The following ABCB5 variants were observed in gnomAD, a reference collection of about 807,000 sequenced individuals.
ABCB5 encodes ATP-binding cassette sub-family B member 5.
A neutral mutation model predicts 144.2 loss-of-function variants in ABCB5; 155 were observed. That is an observed-to-expected ratio of 1.08 (90% confidence interval 0.94 to 1.23). The LOEUF (loss-of-function observed/expected upper bound fraction) is 1.23. Ranked by LOEUF, ABCB5 falls within the 50% of genes most tolerant of loss-of-function variation. ABCB5 has a pLI of 0.00. For missense variants in ABCB5, 1,830 were observed against 1,520.8 expected (o/e 1.20, Z -3.38); for synonymous variants, 610 against 528.6 (o/e 1.15, Z -2.11).
chr7:20,741,020 T>C (rs1407235320), intron 24 of ABCB5, among the ~76,000 whole-genome samples: 1 of 151,488 alleles, frequency 6.6e-6, no homozygotes, highest in Non-Finnish European at 1.5e-5. Flanking sequence ...GGAGGATCGC[T>C]TGAACCTGGG....
Position 20,661,447 on chromosome 7 carries a change from C to G in ABCB5, c.1707+2771C>G, listed in dbSNP as rs538432004. Among the ~76,000 whole-genome samples the G allele has an allele frequency of 5.9e-5, 9 of 152,300 alleles. No individual in the cohort carries two copies. In the East Asian group the frequency reaches 1.7e-3, roughly 29 times the overall value. Reference sequence around the variant, plus strand: ...AACAATGCTGGCCCTTAACAAACAGCCAACAGATATTGTTGGATGGACTTC... The same window carrying G: ...AACAATGCTGGCCCTTAACAAACAGGCAACAGATATTGTTGGATGGACTTC... On this transcript the variant is annotated intron_variant, in intron 14 of 27. Transcript: ENST00000404938.
At chr7:20,652,210 G>A (rs1784617900) in intron 13 of ABCB5, among the ~76,000 whole-genome samples, 1 of 152,210 alleles carries the variant, frequency 6.6e-6, no homozygotes. Context: ...GATTGGTTCT[G>A]TGACAAACCA....
At chr7:20,714,682 A>G (rs1411144540) in intron 20 of ABCB5, among the ~76,000 whole-genome samples, 1 of 152,230 alleles carries the variant, frequency 6.6e-6, no homozygotes, top group Non-Finnish European at 1.5e-5. Flanking sequence ...AACTATAGAA[A>G]GGATATAATT....
chr7:20,748,380 T>C (rs1419351972), intron 26 of ABCB5, among the ~76,000 whole-genome samples: 1 of 144,030 alleles, frequency 6.9e-6, no homozygotes, highest in Non-Finnish European at 1.5e-5. Flanking sequence ...GAAGGTGTAG[T>C]GGCTCACACC....
chr7:20,648,177 A>G (rs936514309), intron 11 of ABCB5, 99 bp downstream of exon 11: 1 of 756,438 alleles, frequency 1.3e-6, no homozygotes, highest in Admixed American at 2.8e-5. Flanking sequence ...ACTTTTTTCC[A>G]AGATTTTGGC....
intron 24 of ABCB5, among the ~76,000 whole-genome samples, chr7:20,739,726 T>TC (rs1324812894): frequency 9.2e-5 from 14 of 152,160 alleles, no homozygotes; most frequent in Admixed American, 9.2e-4. Flanking sequence ...TGTTTTTTTT[T>TC]CTCTGATAAT....
intron 20 of ABCB5, among the ~76,000 whole-genome samples, chr7:20,718,206 G>A (rs1781750689): frequency 6.6e-6 from 1 of 152,070 alleles, no homozygotes; most frequent in Non-Finnish European, 1.5e-5. Flanking sequence ...ACGGCGCCTG[G>A]CCCAAATACA....
intron 20 of ABCB5, among the ~76,000 whole-genome samples, chr7:20,719,425 GC>G: frequency 6.6e-6 from 1 of 152,134 alleles, no homozygotes; most frequent in Non-Finnish European, 1.5e-5. Context: ...TCTTGATATT[GC>G]CTCTTAGATC....
In ABCB5 at chr7:20,652,439, G is replaced by A. The variant is rs141314798; in HGVS notation, c.1536+816G>A. Among the ~76,000 whole-genome samples the A allele has an allele frequency of 4.3e-3, 648 of 152,190 alleles. 7 individuals carry two copies. The highest frequency in any genetic ancestry group is 0.015 in the African/African-American group (619 of 41,510). ...AAAAAAATTAGCTGGGTGTGGTGGC[G>A]CACACCTATAGTCTCAGCTACTAGG... On this transcript the variant is annotated intron_variant, in intron 13 of 27. Transcript: ENST00000404938.
intron 7 of ABCB5, among the ~76,000 whole-genome samples, chr7:20,645,455 C>G (rs1286251057): frequency 6.6e-6 from 1 of 152,108 alleles, no homozygotes; most frequent in Non-Finnish European, 1.5e-5. Flanking sequence ...CCCCGCTGTT[C>G]CCTTTTGTGG....
intron 27 of ABCB5, among the ~76,000 whole-genome samples, chr7:20,754,548 C>T (rs909923870): frequency 6.6e-6 from 1 of 152,188 alleles, no homozygotes; most frequent in African/African-American, 2.4e-5. Context: ...TGGGTTTTCA[C>T]CTTCCACTCC....
chr7:20,629,145 C>CGTGTGTGTGTGTGTGTGT (rs149986314), intron 4 of ABCB5, among the ~76,000 whole-genome samples: 1,564 of 135,128 alleles, frequency 0.012, 40 homozygotes, highest in Non-Finnish European at 0.015. Flanking sequence ...AGAGAGACTG[C>CGTGTGTGTGTGTGTGTGT]GTGTGTGTGT....
At chr7:20,674,328 C>G (rs1751314911) in intron 14 of ABCB5, among the ~76,000 whole-genome samples, 1 of 151,838 alleles carries the variant, frequency 6.6e-6, no homozygotes, top group African/African-American at 2.4e-5. Flanking sequence ...TTTCAGCTGT[C>G]ATATGTTTTT....
At chr7:20,677,047 C>T (rs1785638014) in intron 14 of ABCB5, among the ~76,000 whole-genome samples, 1 of 152,148 alleles carries the variant, frequency 6.6e-6, no homozygotes, top group African/African-American at 2.4e-5. Flanking sequence ...ATTATAGTTA[C>T]ATCCATCATG....
At chr7:20,748,036 ACC>A (rs1782784511) in intron 26 of ABCB5, among the ~76,000 whole-genome samples, 2 of 152,232 alleles carry the variant, frequency 1.3e-5, no homozygotes, top group Admixed American at 1.3e-4. Flanking sequence ...TGCTGTAACT[ACC>A]GCATTTTACA....
Position 20,755,456 on chromosome 7 carries a change from G to A in ABCB5, c.3606G>A (p.Arg1202=), listed in dbSNP as rs1183110302. The A allele has an allele frequency of 2.5e-6, 4 of 1,614,074 alleles. No individual in the cohort carries two copies. In the African/African-American group the frequency reaches 5.3e-5, roughly 22 times the overall value. ...KVVQHALDKA[R]TGRTCLVVTH... ...TTCAGCATGCCCTTGATAAAGCCAGGACGGGAAGGACATGCCTAGTGGTCA... is the reference window on the plus strand; with the variant it reads ...TTCAGCATGCCCTTGATAAAGCCAGAACGGGAAGGACATGCCTAGTGGTCA... Residue 1202 remains arginine, a synonymous_variant, in exon 28 of 28, where the codon AGG becomes AGA. Coordinates refer to ENST00000404938, the MANE Select transcript of ABCB5 (RefSeq NM_001163941.2).
intron 26 of ABCB5, among the ~76,000 whole-genome samples, chr7:20,752,015 A>T (rs1308673387): frequency 6.6e-6 from 1 of 152,230 alleles, no homozygotes; most frequent in African/African-American, 2.4e-5. Context: ...TTATAAGGTT[A>T]TACCACAGGT....
At chr7:20,642,964 T>C in intron 5 of ABCB5, among the ~76,000 whole-genome samples, 1 of 152,338 alleles carries the variant, frequency 6.6e-6, no homozygotes, top group Non-Finnish European at 1.5e-5. Context: ...TGTTTTAAAA[T>C]ACTAATTTCT....
chr7:20,621,461 T>C (rs1783803396), intron 1 of ABCB5, among the ~76,000 whole-genome samples: 1 of 152,162 alleles, frequency 6.6e-6, no homozygotes, highest in Non-Finnish European at 1.5e-5. Context: ...CTGGTGCCTA[T>C]GCTGCTGCTC....
Sources: allele counts gnomAD v4.1 joint callset (sites outside exome capture counted in the v4.1 genomes callset), GRCh38; gene constraint gnomAD v4.1.1; transcripts MANE v1.5; gene names NCBI Gene and HGNC (gene_info 2026-07-23, HGNC 2026-07-21).